CDH4: variants seen among roughly 807,000 people sequenced by gnomAD.
CDH4 encodes cadherin-4.
Under a neutral mutation model 86.0 loss-of-function variants are expected in CDH4, and 33 were observed. That is an observed-to-expected ratio of 0.38 (90% CI 0.29 to 0.51). CDH4 has a LOEUF of 0.51. CDH4 is among the 20% of genes least tolerant of loss of function. CDH4 has a pLI of 0.86. For synonymous variants in CDH4, 555 were observed against 549.4 expected, an observed-to-expected ratio of 1.01 and a Z score of -0.14; for missense variants, 1,114 against 1,307.4, an observed-to-expected ratio of 0.85 and a Z score of 2.28.
intron 2 of CDH4, among the ~76,000 whole-genome samples, chr20:61,441,300 A>T (rs2085314041): frequency 6.6e-6 from 1 of 152,228 alleles, no homozygotes; most frequent in Non-Finnish European, 1.5e-5. Flanking sequence ...CGGAAGGAGC[A>T]TCCAGGTCAG....
At chr20:61,802,023 T>C (rs1818458522) in intron 4 of CDH4, among the ~76,000 whole-genome samples, 2 of 152,236 alleles carry the variant, frequency 1.3e-5, no homozygotes, top group South Asian at 4.1e-4. Flanking sequence ...TTCCCAGACC[T>C]GTAAGTGGCG....
chr20:61,520,245 G>A (rs893309340), intron 2 of CDH4, among the ~76,000 whole-genome samples: 3 of 152,198 alleles, frequency 2.0e-5, no homozygotes, highest in Non-Finnish European at 2.9e-5. Context: ...CCAGGAGGCC[G>A]CCTGTGTGGG....
chr20:61,510,837 C>A lies in CDH4; in HGVS notation c.170-232726C>A, dbSNP rs2085774180. Among the ~76,000 whole-genome samples the A allele has an allele frequency of 6.6e-6, 1 of 150,732 alleles. No homozygotes were observed. Among genetic ancestry groups the A allele is most frequent in the East Asian group, 2.0e-4 (1 of 5,082 alleles). ...AGGTTCTGCAGACTTTGCAGGATGCCTGGTGCCAGCATCTGCTTAGCTTCT... is the reference window on the plus strand; with the variant it reads ...AGGTTCTGCAGACTTTGCAGGATGCATGGTGCCAGCATCTGCTTAGCTTCT... On this transcript the variant is annotated intron_variant, in intron 2 of 15. Coordinates refer to ENST00000614565, the MANE Select transcript of CDH4 (RefSeq NM_001794.5). This position sits in a 1 kb window ranked among gnomAD's most constrained non-coding sequence, Gnocchi z 4.2.
chr20:61,886,815 G>A (rs2427229), intron 7 of CDH4, among the ~76,000 whole-genome samples: 147,788 of 152,312 alleles, frequency 0.97, 71,745 homozygotes, highest in East Asian at 1. Flanking sequence ...GGCCCTTGGA[G>A]GACTGCACAC....
intron 2 of CDH4, among the ~76,000 whole-genome samples, chr20:61,294,204 G>A (rs1302083903): frequency 6.6e-6 from 1 of 152,108 alleles, no homozygotes; most frequent in Non-Finnish European, 1.5e-5. Context: ...CTGACCTGGA[G>A]GCTGGGGGGT....
chr20:61,670,482 G>A (rs1168138502), intron 2 of CDH4, among the ~76,000 whole-genome samples: 1 of 152,168 alleles, frequency 6.6e-6, no homozygotes, highest in East Asian at 1.9e-4. Flanking sequence ...TGGAGCCAAG[G>A]GTGAAGTCAG....
intron 2 of CDH4, among the ~76,000 whole-genome samples, chr20:61,513,038 A>G (rs2085791786): frequency 6.6e-6 from 1 of 152,210 alleles, no homozygotes. Flanking sequence ...TGCAAAGTGT[A>G]TGAAGGAGGC....
chr20:61,883,117 G>GC (rs1186794794), intron 7 of CDH4, among the ~76,000 whole-genome samples: 1 of 141,616 alleles, frequency 7.1e-6, no homozygotes. Flanking sequence ...CACCCCGCCT[G>GC]CCCCAGGGCC....
Position 61,937,019 on chromosome 20 carries a change from G to T in CDH4, c.*76G>T. 7.7e-7 allele frequency: 1 copy of T among 1,303,140 alleles called. No homozygotes were observed. Among genetic ancestry groups the T allele is most frequent in the Non-Finnish European group, 1.0e-6 (1 of 959,426 alleles). The allele number at this position is 1,303,140 out of a possible 1,614,324, so 80.7% of individuals were successfully genotyped here. On this transcript the variant is annotated 3_prime_UTR_variant, in exon 16 of 16. Coordinates refer to ENST00000614565, the MANE Select transcript of CDH4 (RefSeq NM_001794.5). ...GAGCAGGACTGAGCAGAGGCGGCCGGTCTTCCCGACTCCCTGCGGCTGTGT... is the reference window on the plus strand; with the variant it reads ...GAGCAGGACTGAGCAGAGGCGGCCGTTCTTCCCGACTCCCTGCGGCTGTGT...
intron 2 of CDH4, among the ~76,000 whole-genome samples, chr20:61,653,553 G>C (rs1353260303): frequency 7.4e-6 from 1 of 134,756 alleles, no homozygotes; most frequent in African/African-American, 2.7e-5. Context: ...GGGGTGGCTG[G>C]CCAGGCGGGG....
chr20:61,622,852 G>A (rs2086790059), intron 2 of CDH4, among the ~76,000 whole-genome samples: 1 of 152,180 alleles, frequency 6.6e-6, no homozygotes, highest in Non-Finnish European at 1.5e-5. Context: ...ATTGCCCCCA[G>A]CTGAGAATCC....
chr20:61,853,028 A>G (rs1255136156), intron 6 of CDH4, 130 bp downstream of exon 6: 34 of 944,182 alleles, frequency 3.6e-5, no homozygotes, highest in Non-Finnish European at 5.1e-5. Context: ...GCGCAGACAC[A>G]CAGCATGCAG....
intron 2 of CDH4, among the ~76,000 whole-genome samples, chr20:61,542,870 G>A (rs1419328932): frequency 2.0e-5 from 3 of 152,216 alleles, no homozygotes; most frequent in Non-Finnish European, 4.4e-5. Flanking sequence ...TGCACGCTAA[G>A]GAGCCTGGAA....
intron 7 of CDH4, among the ~76,000 whole-genome samples, chr20:61,885,842 C>G (rs1984517294): frequency 6.6e-6 from 1 of 152,226 alleles, no homozygotes; most frequent in Non-Finnish European, 1.5e-5. Context: ...AGATCTCTGT[C>G]TGCTCCATCT....
intron 2 of CDH4, among the ~76,000 whole-genome samples, chr20:61,334,572 T>C (rs1349637269): frequency 6.6e-6 from 1 of 152,224 alleles, no homozygotes; most frequent in Admixed American, 6.5e-5. Context: ...TCCCTGACCG[T>C]GCCTGTTGCT....
intron 2 of CDH4, among the ~76,000 whole-genome samples, chr20:61,389,211 TG>T (rs1043347449): frequency 2.0e-5 from 3 of 151,216 alleles, no homozygotes; most frequent in African/African-American, 7.3e-5. Context: ...CAGGGAGGGG[TG>T]GGGGTGCAGG....
chr20:61,685,859 G>T (rs1170446805), intron 2 of CDH4, among the ~76,000 whole-genome samples: 1 of 152,240 alleles, frequency 6.6e-6, no homozygotes, highest in Non-Finnish European at 1.5e-5. Context: ...TCTCAGGTGG[G>T]ATAGTCCGGG....
At chr20:61,259,850 CT>C (rs2084119428) in intron 2 of CDH4, among the ~76,000 whole-genome samples, 1 of 152,144 alleles carries the variant, frequency 6.6e-6, no homozygotes, top group Non-Finnish European at 1.5e-5. Flanking sequence ...TGTTTTTATT[CT>C]TGATAACAAG....
In CDH4 at chr20:61,474,269, C is replaced by T. The variant is rs182850363; in HGVS notation, c.169+219332C>T. ...CCCACCTCCCTGGTTCAAGCAATTT[C>T]CCTGCCTCAGCCTCCCGAGTAGCTG... is the stretch of plus-strand genomic sequence containing the variant. On this transcript the variant is annotated intron_variant, in intron 2 of 15. Transcript: ENST00000614565. Among the ~76,000 whole-genome samples, 96 of 146,762 alleles carry T rather than the reference C, an allele frequency of 6.5e-4. 1 individual carries two copies. The highest frequency in any genetic ancestry group is 2.2e-3 in the African/African-American group (88 of 39,712).
Sources: gnomAD v4.1 joint callset for allele counts (sites outside exome capture counted in the v4.1 genomes callset) on GRCh38, gnomAD v4.1.1 for gene constraint, Gnocchi (gnomAD v3.1) non-coding constraint, MANE v1.5 for transcripts, NCBI Gene and HGNC (gene_info 2026-07-23, HGNC 2026-07-21) for gene names.